CMSS1: variants seen among roughly 807,000 people sequenced by gnomAD.
CMSS1 encodes cms1 ribosomal small subunit homolog.
Under a neutral mutation model 43.5 loss-of-function variants are expected in CMSS1, and 33 were observed. The ratio of observed to expected loss-of-function variants is 0.76; its 90% CI spans 0.57 to 1.01. The LOEUF (loss-of-function observed/expected upper bound fraction) is 1.01. Among genes scored for constraint, CMSS1 ranks in the 50% least tolerant of loss-of-function variants. The pLI is 0.00. For synonymous variants in CMSS1, 115 were observed against 117.2 expected (o/e 0.98, Z 0.12); for missense variants, 313 against 326.4 (o/e 0.96, Z 0.32).
chr3:99,932,108 A>G (rs972982818), intron 1 of CMSS1, among the ~76,000 whole-genome samples: 1 of 152,196 alleles, frequency 6.6e-6, no homozygotes, highest in African/African-American at 2.4e-5. Flanking sequence ...TTTACTGTAT[A>G]TTAGAAAACA....
intron 1 of CMSS1, among the ~76,000 whole-genome samples, chr3:99,853,841 G>A (rs550968907): frequency 1.3e-5 from 2 of 152,272 alleles, no homozygotes; most frequent in South Asian, 4.1e-4. Flanking sequence ...TGTCGGGAAG[G>A]TAAACAAGAA....
chr3:100,089,702 A>G (rs993978113), intron 1 of CMSS1, among the ~76,000 whole-genome samples: 1 of 152,256 alleles, frequency 6.6e-6, no homozygotes, highest in African/African-American at 2.4e-5. Context: ...TACAAATTTC[A>G]TAGGCATTTG....
intron 1 of CMSS1, among the ~76,000 whole-genome samples, chr3:100,066,084 A>G (rs759744327): frequency 6.6e-6 from 1 of 152,220 alleles, no homozygotes; most frequent in Non-Finnish European, 1.5e-5. Context: ...ACTTAGAGAG[A>G]TGGTCTTTAC....
chr3:100,089,048 G>T (rs1052744026), intron 1 of CMSS1, among the ~76,000 whole-genome samples: 1 of 152,166 alleles, frequency 6.6e-6, no homozygotes, highest in East Asian at 1.9e-4. Flanking sequence ...CCTCTGCTCT[G>T]TAAGGCACCA....
intron 1 of CMSS1, among the ~76,000 whole-genome samples, chr3:99,933,546 A>T (rs931941287): frequency 3.9e-5 from 6 of 152,214 alleles, no homozygotes; most frequent in Non-Finnish European, 8.8e-5. Flanking sequence ...GAAAAATTAT[A>T]CATAAACAGG....
intron 1 of CMSS1, among the ~76,000 whole-genome samples, chr3:99,988,157 G>T (rs536339854): frequency 4.3e-4 from 65 of 151,848 alleles, no homozygotes; most frequent in African/African-American, 1.5e-3. Flanking sequence ...AAAGAATTGT[G>T]GGATCTTTTA....
chr3:99,826,742 T>G (rs61066119), intron 1 of CMSS1, among the ~76,000 whole-genome samples: 1,676 of 152,348 alleles, frequency 0.011, 35 homozygotes, highest in African/African-American at 0.038. Flanking sequence ...GTCACATATC[T>G]GTTAAAATCA....
chr3:100,019,410 C>A (rs2064763922), intron 1 of CMSS1, among the ~76,000 whole-genome samples: 1 of 151,928 alleles, frequency 6.6e-6, no homozygotes, highest in South Asian at 2.1e-4. Context: ...CTTACCCTTA[C>A]CGAAAGGAAT....
intron 1 of CMSS1, among the ~76,000 whole-genome samples, chr3:99,902,218 AT>A (rs1047643685): frequency 6.6e-6 from 1 of 152,098 alleles, no homozygotes; most frequent in African/African-American, 2.4e-5. Context: ...ACCATGTGAC[AT>A]TTTTTTGAGT....
intron 1 of CMSS1, among the ~76,000 whole-genome samples, chr3:99,949,680 TACA>T (rs1213130998): frequency 3.9e-5 from 6 of 152,214 alleles, no homozygotes; most frequent in Admixed American, 6.5e-5. Context: ...ATCAGAAAGG[TACA>T]ACAACACTTA....
chr3:100,009,409 G>A (rs1474617311), intron 1 of CMSS1, among the ~76,000 whole-genome samples: 2 of 152,134 alleles, frequency 1.3e-5, no homozygotes, highest in African/African-American at 4.8e-5. Context: ...GCTCCTGTTA[G>A]CAACCTGAGC....
intron 1 of CMSS1, among the ~76,000 whole-genome samples, chr3:99,851,889 G>C (rs1943713940): frequency 6.6e-6 from 1 of 152,186 alleles, no homozygotes; most frequent in Non-Finnish European, 1.5e-5. Context: ...AGAGACATCT[G>C]TATGGGTTTG....
chr3:99,854,974 G>A (rs1943886338), intron 1 of CMSS1, among the ~76,000 whole-genome samples: 1 of 152,078 alleles, frequency 6.6e-6, no homozygotes, highest in Non-Finnish European at 1.5e-5. Flanking sequence ...GTCTGGGGTG[G>A]GCCTCACAAT....
intron 1 of CMSS1, among the ~76,000 whole-genome samples, chr3:100,043,997 GT>G (rs943763230): frequency 2.6e-4 from 39 of 152,146 alleles, no homozygotes; most frequent in Non-Finnish European, 1.2e-4. Context: ...TTCCATCCAC[GT>G]TGTTGGAAGG....
intron 1 of CMSS1, among the ~76,000 whole-genome samples, chr3:100,038,388 A>G (rs906260179): frequency 6.6e-6 from 1 of 152,234 alleles, no homozygotes; most frequent in African/African-American, 2.4e-5. Context: ...AAGATATTGA[A>G]TTATCCAAAA....
intron 1 of CMSS1, among the ~76,000 whole-genome samples, chr3:100,043,313 A>C (rs918433053): frequency 6.6e-6 from 1 of 152,194 alleles, no homozygotes; most frequent in Admixed American, 6.5e-5. Context: ...TTGAAAGATT[A>C]TATTTTGTCT....
At chr3:99,910,843 G>C (rs1323506757) in intron 1 of CMSS1, among the ~76,000 whole-genome samples, 1 of 151,874 alleles carries the variant, frequency 6.6e-6, no homozygotes, top group Non-Finnish European at 1.5e-5. Flanking sequence ...TTTTAATGTT[G>C]CCCAAGAAAC....
intron 2 of CMSS1, among the ~76,000 whole-genome samples, chr3:100,152,593 TGAGGTCTTCAC>T (rs1469894673): frequency 1.3e-5 from 2 of 152,242 alleles, no homozygotes; most frequent in Admixed American, 6.5e-5. Context: ...TTGTTTCTTC[TGAGGTCTTCAC>T]GAATGGTTTT....
intron 1 of CMSS1, among the ~76,000 whole-genome samples, chr3:100,087,357 A>G (rs893796088): frequency 6.6e-6 from 1 of 152,202 alleles, no homozygotes; most frequent in Non-Finnish European, 1.5e-5. Context: ...CCTCACCAGC[A>G]ATTGGTATTG....
Sources: allele counts gnomAD v4.1 joint callset (sites outside exome capture counted in the v4.1 genomes callset), GRCh38; gene constraint gnomAD v4.1.1; transcripts MANE v1.5; gene names NCBI Gene and HGNC (gene_info 2026-07-23, HGNC 2026-07-21).